The following ZDHHC24 variants were observed in gnomAD, a reference collection of about 807,000 sequenced individuals.
ZDHHC24 encodes the protein zDHHC palmitoyltransferase 24.
A neutral mutation model predicts 23.2 loss-of-function variants in ZDHHC24; 17 were observed. The ratio of observed to expected loss-of-function variants is 0.73; its 90% CI spans 0.50 to 1.10. The LOEUF is 1.10. Ranked by LOEUF, ZDHHC24 falls within the 50% of genes least tolerant of loss-of-function variation. The pLI is 0.00. For synonymous variants in ZDHHC24, 186 were observed against 194.5 expected (o/e 0.96, Z 0.36); for missense variants, 366 against 393.0 (o/e 0.93, Z 0.58).
chr11:66,545,002 A>G lies in ZDHHC24; in HGVS notation c.281+721T>C, dbSNP rs982161020. 2.0e-5 allele frequency among the ~76,000 whole-genome samples: 3 copies of G among 152,148 alleles called. No homozygotes were observed. Among genetic ancestry groups the G allele is most frequent in the African/African-American group, 7.2e-5 (3 of 41,428 alleles). ...AGGATAGCCATTACCTCAAACACTC[A>G]TATTTTTGTGATGAGAATTTACCAC... On this transcript the variant is annotated intron_variant, in intron 1 of 2. Transcript: ENST00000310442. The surrounding 1 kb of genome is among the most constrained non-coding windows in gnomAD (Gnocchi z 4.5).
Position 66,526,968 on chromosome 11 carries a change from AC to A in ZDHHC24, c.774del (p.Cys259ValfsTer22). On this transcript the variant is annotated frameshift_variant, in exon 4 of 5. Coordinates refer to the ZDHHC24 transcript ENST00000526986. LOFTEE classifies it high-confidence loss of function. ...AATCCAGGGACAGCCTAGGAGGTAC[AC>A]GTTGCCTGCAAATCACTGTTCCTCA... 1 of 1,553,494 alleles carries A rather than the reference AC, an allele frequency of 6.4e-7. No homozygotes were observed. The highest frequency in any genetic ancestry group is 8.7e-7 in the Non-Finnish European group (1 of 1,155,530).
At position 66,543,933 on chromosome 11, in the gene ZDHHC24, G is replaced by C. The variant is rs200245385; in HGVS notation, c.330C>G (p.Cys110Trp). ...QSQVPPRSGH[C>W]SACRVCILRR... ...GCAGGATGCAGACGCGGCAGGCAGA[G>C]CAGTGTCCGCTGCGTGGCGGCACCT... Residue 110 changes from cysteine (C) to tryptophan (W), a missense_variant, in exon 2 of 3, where the codon TGC (cysteine) becomes TGG (tryptophan). Cys to Trp is a radical substitution (Grantham distance 215). Coordinates refer to ENST00000310442, the MANE Select transcript of ZDHHC24 (RefSeq NM_207340.3). 2 of 1,613,878 alleles carry C rather than the reference G, an allele frequency of 1.2e-6. No individual in the cohort carries two copies. Among genetic ancestry groups the C allele is most frequent in the East Asian group, 4.5e-5 (2 of 44,882 alleles).
rs763302931 is a variant in ZDHHC24, at chr11:66,529,783, A to C, written c.560-295T>G. ...TGCTGCCTCCTCCCTGCCACCCCCC[A>C]CCTCCACCGTCAGCCTCTGGGACCC... On this transcript the variant is annotated intron_variant, in intron 2 of 4. Transcript: ENST00000526986. 9 of 1,604,048 alleles carry C rather than the reference A, an allele frequency of 5.6e-6. No homozygotes were observed. The African/African-American group carries it at 1.1e-4, about 19-fold the overall frequency.
chr11:66,527,903 T>A (rs1590775406), intron 3 of ZDHHC24, among the ~76,000 whole-genome samples: 1 of 151,946 alleles, frequency 6.6e-6, no homozygotes, highest in Non-Finnish European at 1.5e-5. Flanking sequence ...CAGGGCAGGG[T>A]AATATAGGCA....
At chr11:66,528,287 C>A (rs1396272791) in intron 3 of ZDHHC24, among the ~76,000 whole-genome samples, 1 of 152,198 alleles carries the variant, frequency 6.6e-6, no homozygotes, top group African/African-American at 2.4e-5. Flanking sequence ...AGACCACCTT[C>A]AAGAATGCTT....
At chr11:66,533,343 C>T (rs574455201), downstream of ZDHHC24, 1 of 152,334 alleles carries the variant, frequency 6.6e-6, no homozygotes, top group African/African-American at 2.4e-5. Context: ...GTACTGCTCC[C>T]CTACCCAGCA....
At chr11:66,526,542 T>C in intron 4 of ZDHHC24, 4 of 1,394,562 alleles carry the variant, frequency 2.9e-6, no homozygotes, top group Admixed American at 3.4e-5. Flanking sequence ...GGAAGACGGA[T>C]GTGTACAGAA....
Position 66,537,524 on chromosome 11 carries a change from A to T in ZDHHC24, c.*2005T>A, listed in dbSNP as rs1433498128. ...AATTTCAGCTCTTAATTCTCCATCCACTTTCCATCTTTGAAAATGTCAGCC... is the reference window on the plus strand; with the variant it reads ...AATTTCAGCTCTTAATTCTCCATCCTCTTTCCATCTTTGAAAATGTCAGCC... On this transcript the variant is annotated 3_prime_UTR_variant, in exon 3 of 3. Transcript: ENST00000310442. The T allele has an allele frequency of 6.6e-6, 1 of 151,828 alleles. No homozygotes were observed. Among genetic ancestry groups the T allele is most frequent in the Non-Finnish European group, 1.5e-5 (1 of 67,930 alleles). 9.4% of individuals were successfully genotyped at this position (151,828 alleles called of 1,614,324 possible). A position where few individuals can be genotyped will look rare whatever the true frequency, so the allele number is the denominator to read the frequency against.
chr11:66,526,511 C>A, intron 4 of ZDHHC24: 1 of 1,093,188 alleles, frequency 9.1e-7, no homozygotes, highest in Non-Finnish European at 1.4e-6. Flanking sequence ...CACTTTGTTA[C>A]TTCCAGAAAC....
intron 2 of ZDHHC24, chr11:66,529,686 C>A: frequency 8.7e-7 from 1 of 1,154,938 alleles, no homozygotes; most frequent in Non-Finnish European, 1.3e-6. Flanking sequence ...TCCTCCCCAG[C>A]TCCTGCAGAC....
chr11:66,534,083 C>T (rs184716546), downstream of ZDHHC24, among the ~76,000 whole-genome samples: 15 of 149,324 alleles, frequency 1.0e-4, no homozygotes, highest in East Asian at 3.0e-3. Context: ...GCAGGAGAAT[C>T]GCTTGAACCC....
rs190804167 is a variant in ZDHHC24 at position 66,545,058 on chromosome 11, C to T, written c.281+665G>A. Among the ~76,000 whole-genome samples, 1 of 151,630 alleles carries T rather than the reference C, an allele frequency of 6.6e-6. No individual in the cohort carries two copies. Among genetic ancestry groups the T allele is most frequent in the Non-Finnish European group, 1.5e-5 (1 of 67,926 alleles). ...TATTTATGTATTTATTTATTTGAGACGGAGGGAGTCTTGCTCTGTCACCCA... is the reference window on the plus strand; with the variant it reads ...TATTTATGTATTTATTTATTTGAGATGGAGGGAGTCTTGCTCTGTCACCCA... On this transcript the variant is annotated intron_variant, in intron 1 of 2. Transcript: ENST00000310442. This position sits in a 1 kb window ranked among gnomAD's most constrained non-coding sequence, Gnocchi z 4.5.
Position 66,526,128 on chromosome 11 carries a change from A to G in ZDHHC24, c.*21+808T>C, listed in dbSNP as rs1335578252. The G allele has an allele frequency of 3.1e-6, 5 of 1,614,094 alleles. No individual in the cohort carries two copies. Among genetic ancestry groups the G allele is most frequent in the Non-Finnish European group, 3.4e-6 (4 of 1,180,032 alleles). ...ACTCTGACGTCTCCACATAGGATGC[A>G]GTGACCAGCCTTTGCTTTGGCCGGT... On this transcript the variant is annotated intron_variant, in intron 4 of 4. Coordinates refer to the ZDHHC24 transcript ENST00000526986.
At chr11:66,532,334 C>T (rs540746386), downstream of ZDHHC24, 8 of 458,200 alleles carry the variant, frequency 1.7e-5, no homozygotes, top group African/African-American at 7.8e-5. Context: ...ATCAGAGCTC[C>T]GAAGCGGTCA....
At chr11:66,541,846 C>G (rs1428450662) in intron 2 of ZDHHC24, among the ~76,000 whole-genome samples, 1 of 151,900 alleles carries the variant, frequency 6.6e-6, no homozygotes. Context: ...TGGCAGAAGC[C>G]AGGCTGGAGC....
chr11:66,524,793 A>G (rs1396834335), intron 4 of ZDHHC24, among the ~76,000 whole-genome samples: 1 of 152,192 alleles, frequency 6.6e-6, no homozygotes, highest in Non-Finnish European at 1.5e-5. Flanking sequence ...AGGGCCAGGC[A>G]CATTGGCTCA....
rs994670218 is a variant in ZDHHC24, at chr11:66,537,789, G to A, written c.*1740C>T. 2.0e-4 allele frequency: 31 copies of A among 151,538 alleles called. 2 individuals carry two copies. The highest frequency in any genetic ancestry group is 1.1e-3 in the Admixed American group (16 of 15,156). 9.4% of individuals were successfully genotyped at this position (151,538 alleles called of 1,614,324 possible). ...TAAAAATACAAAAAATTAGCTTGGC[G>A]TGGTGGCAGGCACCTGTAGTCCCAG... On this transcript the variant is annotated 3_prime_UTR_variant, in exon 3 of 3. Transcript: ENST00000310442.
chr11:66,534,739 A>G (rs975042642), downstream of ZDHHC24, among the ~76,000 whole-genome samples: 6 of 152,116 alleles, frequency 3.9e-5, no homozygotes, highest in Non-Finnish European at 8.8e-5. Context: ...TGTGTCGCCC[A>G]GGCTGGAGTG....
Position 66,539,588 on chromosome 11 carries a change from A to G in ZDHHC24, c.796T>C (p.Leu266=). 1 of 1,611,424 alleles carries G rather than the reference A, an allele frequency of 6.2e-7. No individual in the cohort carries two copies. Among genetic ancestry groups the G allele is most frequent in the Non-Finnish European group, 8.5e-7 (1 of 1,178,714 alleles). The change falls in exon 3 of 3, where the codon TTG becomes CTG. Residue 266 remains leucine, a synonymous_variant. Coordinates refer to ENST00000310442, the MANE Select transcript of ZDHHC24 (RefSeq NM_207340.3). ...VWLWPFLASP[L]PGDGITFQTT... ...TGGAAGGTGATCCCATCCCCAGGCA[A>G]TGGGGAGGCCAGGAAGGGCCAGAGC...
Sources: gnomAD v4.1 joint callset for allele counts (sites outside exome capture counted in the v4.1 genomes callset) on GRCh38, gnomAD v4.1.1 for gene constraint, Gnocchi (gnomAD v3.1) non-coding constraint, MANE v1.5 for transcripts, NCBI Gene and HGNC (gene_info 2026-07-23, HGNC 2026-07-21) for gene names.